EXD3: variants seen among roughly 807,000 people sequenced by gnomAD.
The protein encoded by EXD3 is exonuclease mut-7 homolog.
In EXD3, 92 loss-of-function variants were observed where a neutral mutation model predicts 98.0. The ratio of observed to expected loss-of-function variants is 0.94; its 90% CI spans 0.79 to 1.12. The LOEUF is 1.12. Ranked by LOEUF, EXD3 falls within the 50% of genes most tolerant of loss-of-function variation. The pLI is 0.00. For synonymous variants in EXD3, 569 were observed against 526.0 expected, an observed-to-expected ratio of 1.08 and a Z score of -1.12; for missense variants, 1,222 against 1,191.6, an observed-to-expected ratio of 1.03 and a Z score of -0.38.
At position 137,330,199 on chromosome 9, in the gene EXD3, A is replaced by G. The variant is rs868703570; in HGVS notation, c.1999-6056T>C. On this transcript the variant is annotated intron_variant, in intron 17 of 21. Coordinates refer to ENST00000340951, the MANE Select transcript of EXD3 (RefSeq NM_017820.5). ...TACACGGGACTACACAGGACTACAC[A>G]GGACTACACAGGAGCTACACAGGAA... 3.5e-3 allele frequency among the ~76,000 whole-genome samples: 483 copies of G among 137,850 alleles called. 27 individuals are homozygous for G. Among genetic ancestry groups the G allele is most frequent in the Middle Eastern group, 0.021 (5 of 240 alleles). The allele number at this position is 137,850 out of a possible 152,430, so 90.4% of individuals were successfully genotyped here. A position where few individuals can be genotyped will look rare whatever the true frequency, so the allele number is the denominator to read the frequency against.
At position 137,393,295 on chromosome 9, in the gene EXD3, C is replaced by G. The variant is rs548401128; in HGVS notation, c.55+2008G>C. ...ACCCAGGGTCCCATGCGCTCCCCGG[C>G]CCTGACGGCGGTCTCCAGGGGAGGT... On this transcript the variant is annotated intron_variant, in intron 2 of 21. Transcript: ENST00000340951. This position sits in a 1 kb window ranked among gnomAD's most constrained non-coding sequence, Gnocchi z 4.6. The G allele has an allele frequency of 4.8e-4, 338 of 698,808 alleles. 5 individuals carry two copies. In the South Asian group the frequency reaches 4.9e-3, roughly 10 times the overall value. 43.3% of individuals were successfully genotyped at this position (698,808 alleles called of 1,614,324 possible).
In EXD3 at chr9:137,363,284, T is replaced by C. The variant is rs74795467; in HGVS notation, c.656+3209A>G. ...CTGAATAAAGTGAGTTGGGCTGCGC[T>C]TTTTTTTTTTTAATTCTCTATAAGA... On this transcript the variant is annotated intron_variant, in intron 7 of 21. Transcript: ENST00000340951. 4.1e-4 allele frequency among the ~76,000 whole-genome samples: 59 copies of C among 144,240 alleles called. 1 individual carries two copies. The highest frequency in any genetic ancestry group is 1.1e-4 in the Non-Finnish European group (7 of 65,512). The allele number at this position is 144,240 out of a possible 152,430, so 94.6% of individuals were successfully genotyped here.
At chr9:137,390,535 A>G (rs1027341484) in intron 2 of EXD3, among the ~76,000 whole-genome samples, 1 of 152,242 alleles carries the variant, frequency 6.6e-6, no homozygotes, top group African/African-American at 2.4e-5. Context: ...CTCCTTCAAT[A>G]TTCACACAGA....
At chr9:137,372,880 G>A (rs1222303111) in intron 5 of EXD3, 25 bp downstream of exon 5, 5 of 1,595,970 alleles carry the variant, frequency 3.1e-6, no homozygotes, top group Non-Finnish European at 4.2e-6. Context: ...GTTTCCCCAT[G>A]AGCCCGGCCA....
intron 2 of EXD3, among the ~76,000 whole-genome samples, chr9:137,391,603 G>A (rs1836915917): frequency 6.7e-6 from 1 of 149,916 alleles, no homozygotes; most frequent in African/African-American, 2.5e-5. Flanking sequence ...GTGATTCCTG[G>A]AGCTGCTGCC....
chr9:137,354,153 C>A (rs28482269), intron 10 of EXD3, 186 bp downstream of exon 10: 206,046 of 1,431,238 alleles, frequency 0.14, 16,459 homozygotes, highest in Admixed American at 0.29. Flanking sequence ...GGCTCCCGCT[C>A]AGGCCTCCCG....
rs574655328 is a variant in EXD3 at position 137,324,965 on chromosome 9, T to G, written c.1999-822A>C. Among the ~76,000 whole-genome samples, 8 of 152,316 alleles carry G rather than the reference T, an allele frequency of 5.3e-5. No individual in the cohort carries two copies. The highest frequency in any genetic ancestry group is 1.7e-4 in the African/African-American group (7 of 41,560). On this transcript the variant is annotated intron_variant, in intron 17 of 21. Transcript: ENST00000340951. This position sits in a 1 kb window ranked among gnomAD's most constrained non-coding sequence, Gnocchi z 4.1. ...CCTCGGCCTCCCAAAGTGCTGGGAT[T>G]ACAGGTGTGAGTCACCGCGCCTGGC...
chr9:137,400,211 G>C (rs1047246097), intron 1 of EXD3, among the ~76,000 whole-genome samples: 1 of 151,998 alleles, frequency 6.6e-6, no homozygotes, highest in Non-Finnish European at 1.5e-5. Flanking sequence ...GATACAATTC[G>C]GGTTGAGATT....
chr9:137,350,870 A>C (rs1214706534), intron 14 of EXD3, among the ~76,000 whole-genome samples, 168 bp downstream of exon 14: 1 of 152,086 alleles, frequency 6.6e-6, no homozygotes, highest in Non-Finnish European at 1.5e-5. Context: ...TGGAGATGCC[A>C]GATCCAGCTC....
At chr9:137,346,370 A>C (rs942793199) in intron 17 of EXD3, among the ~76,000 whole-genome samples, 1 of 151,858 alleles carries the variant, frequency 6.6e-6, no homozygotes, top group Non-Finnish European at 1.5e-5. Flanking sequence ...AGGGTTCAGG[A>C]TGGATTCCGC....
chr9:137,316,675 G>T (rs1831682135), intron 19 of EXD3, among the ~76,000 whole-genome samples: 1 of 152,238 alleles, frequency 6.6e-6, no homozygotes, highest in East Asian at 1.9e-4. Flanking sequence ...AGGGGGAGAC[G>T]GAGGCTGCTC....
At chr9:137,345,639 G>A (rs1418957949) in intron 17 of EXD3, 1 of 144,870 alleles carries the variant, frequency 6.9e-6, no homozygotes, top group South Asian at 2.3e-4. Context: ...TCCAGCCTGG[G>A]CAACAGAGTG....
rs1837686295 is a variant in EXD3, at chr9:137,405,792, G to C, written c.-47-10388C>G. 6.6e-6 allele frequency among the ~76,000 whole-genome samples: 1 copy of C among 152,198 alleles called. No individual in the cohort carries two copies. The highest frequency in any genetic ancestry group is 2.4e-5 in the African/African-American group (1 of 41,438). ...TCTCCTGCCGGCCGGCACAGGGGTGGGTACCATGCACATGGTCTCCCCGCC... is the reference window on the plus strand; with the variant it reads ...TCTCCTGCCGGCCGGCACAGGGGTGCGTACCATGCACATGGTCTCCCCGCC... On this transcript the variant is annotated intron_variant, in intron 1 of 21. Coordinates refer to ENST00000340951, the MANE Select transcript of EXD3 (RefSeq NM_017820.5). The surrounding 1 kb of genome is among the most constrained non-coding windows in gnomAD (Gnocchi z 4.1).
intron 8 of EXD3, among the ~76,000 whole-genome samples, chr9:137,355,521 GGAGGAT>G (rs766370963): frequency 1.2e-3 from 98 of 81,544 alleles, no homozygotes; most frequent in African/African-American, 4.2e-3. Flanking sequence ...GAAGGAGGAA[GGAGGAT>G]GGAGGAAGGA....
intron 2 of EXD3, among the ~76,000 whole-genome samples, chr9:137,389,097 C>T (rs781594837): frequency 3.9e-5 from 6 of 152,194 alleles, no homozygotes; most frequent in Non-Finnish European, 7.4e-5. Context: ...TTCTGGCGTC[C>T]GGGGGCAGCT....
chr9:137,411,515 C>T (rs1332527506), intron 1 of EXD3, among the ~76,000 whole-genome samples: 1 of 151,824 alleles, frequency 6.6e-6, no homozygotes, highest in Non-Finnish European at 1.5e-5. Flanking sequence ...AAGTAGGACC[C>T]AAAGCTCCCT....
chr9:137,367,933 C>T lies in EXD3; in HGVS notation c.516+3G>A, dbSNP rs750952841. 9.9e-6 allele frequency: 16 copies of T among 1,611,912 alleles called. No homozygotes were observed. The South Asian group carries it at 1.6e-4, about 17-fold the overall frequency. ...AAACAATTTACATGAGAAAGACGTT[C>T]ACCTTTTCAACGCCAAGCTCCGACT... On this transcript the variant is annotated splice_donor_region_variant and intron_variant, in intron 6 of 21. Coordinates refer to ENST00000340951, the MANE Select transcript of EXD3 (RefSeq NM_017820.5).
chr9:137,393,032 A>G lies in EXD3; in HGVS notation c.55+2271T>C, dbSNP rs1447944549. ...TGCCGTGTCTGTTCCAGGGAGGGCCATTAGTGTTCCAGGGGGTGCTGAGGC... is the reference window on the plus strand; with the variant it reads ...TGCCGTGTCTGTTCCAGGGAGGGCCGTTAGTGTTCCAGGGGGTGCTGAGGC... On this transcript the variant is annotated intron_variant, in intron 2 of 21. Coordinates refer to ENST00000340951, the MANE Select transcript of EXD3 (RefSeq NM_017820.5). This position sits in a 1 kb window ranked among gnomAD's most constrained non-coding sequence, Gnocchi z 4.6. 6 of 575,576 alleles carry G rather than the reference A, an allele frequency of 1.0e-5. No individual in the cohort carries two copies. The highest frequency in any genetic ancestry group is 1.6e-5 in the Non-Finnish European group (5 of 321,884). 35.7% of individuals were successfully genotyped at this position (575,576 alleles called of 1,614,324 possible).
At chr9:137,420,738 C>CCT (rs1030943483) in intron 1 of EXD3, among the ~76,000 whole-genome samples, 2 of 50,850 alleles carry the variant, frequency 3.9e-5, no homozygotes, top group African/African-American at 1.8e-4. Context: ...CAGACATTCA[C>CCT]CCCCCCCCCC....
Sources: gnomAD v4.1 joint callset for allele counts (sites outside exome capture counted in the v4.1 genomes callset) on GRCh38, gnomAD v4.1.1 for gene constraint, Gnocchi (gnomAD v3.1) non-coding constraint, MANE v1.5 for transcripts, NCBI Gene and HGNC (gene_info 2026-07-23, HGNC 2026-07-21) for gene names.